Variants in COL22A1 observed in about 807,000 individuals in gnomAD.
The protein encoded by COL22A1 is collagen type XXII alpha 1 chain.
A neutral mutation model predicts 248.9 loss-of-function variants in COL22A1; 221 were observed. The ratio of observed to expected loss-of-function variants is 0.89; its 90% CI spans 0.80 to 0.99. COL22A1 has a LOEUF of 0.99. Among genes scored for constraint, COL22A1 ranks in the 50% least tolerant of loss-of-function variants. The pLI is 0.00. For synonymous variants in COL22A1, 891 were observed against 793.4 expected, an observed-to-expected ratio of 1.12 and a Z score of -2.07; for missense variants, 2,240 against 2,179.0, an observed-to-expected ratio of 1.03 and a Z score of -0.56.
chr8:138,590,933 C>T (rs1035831952), intron 64 of COL22A1, among the ~76,000 whole-genome samples: 2 of 152,104 alleles, frequency 1.3e-5, no homozygotes, highest in Non-Finnish European at 2.9e-5. Flanking sequence ...GTGAGCATTC[C>T]CCAAAACATA....
chr8:138,878,995 G>A (rs547103460), intron 2 of COL22A1, among the ~76,000 whole-genome samples: 103 of 126,624 alleles, frequency 8.1e-4, no homozygotes, highest in Non-Finnish European at 3.1e-4. Context: ...GCGACAGAGC[G>A]AGACTCTGTC....
rs1563781155 is a variant in COL22A1, at chr8:138,802,854, G to T, written c.1557+18C>A. 6.2e-7 allele frequency: 1 copy of T among 1,608,044 alleles called. No homozygotes were observed. Among genetic ancestry groups the T allele is most frequent in the East Asian group, 2.2e-5 (1 of 44,810 alleles). On this transcript the variant is annotated intron_variant, in intron 11 of 64. Transcript: ENST00000303045. ...CGCCCTGAGGTTCAGCCATGTAGAG[G>T]AGCAGCCATCTACTCACCACATCAC...
Position 138,793,737 on chromosome 8 carries a change from C to A in COL22A1, c.1596+3082G>T, listed in dbSNP as rs189631574. Among the ~76,000 whole-genome samples the A allele has an allele frequency of 2.5e-3, 387 of 152,278 alleles. 2 individuals are homozygous for A. Among genetic ancestry groups the A allele is most frequent in the African/African-American group, 9.0e-3 (375 of 41,560 alleles). ...GTAGGACTCCTGGCACCAGAAGGTG[C>A]CTTCAGGTGTGAGGAGAACAGGCAT... On this transcript the variant is annotated intron_variant, in intron 12 of 64. Coordinates refer to ENST00000303045, the MANE Select transcript of COL22A1 (RefSeq NM_152888.3).
At chr8:138,673,454 C>G (rs967974894) in intron 41 of COL22A1, among the ~76,000 whole-genome samples, 5 of 152,172 alleles carry the variant, frequency 3.3e-5, no homozygotes, top group African/African-American at 1.2e-4. Flanking sequence ...GGTGACCCAC[C>G]TGCCGCAGCC....
intron 12 of COL22A1, among the ~76,000 whole-genome samples, chr8:138,794,602 T>C (rs1425634257): frequency 1.3e-5 from 2 of 152,180 alleles, no homozygotes; most frequent in African/African-American, 2.4e-5. Context: ...TAATTCATGA[T>C]AGCCACGATA....
chr8:138,801,405 C>G (rs1471294475), intron 11 of COL22A1, among the ~76,000 whole-genome samples: 1 of 152,096 alleles, frequency 6.6e-6, no homozygotes, highest in African/African-American at 2.4e-5. Flanking sequence ...GAGGGGGCAA[C>G]AATGTGGGGT....
At chr8:138,637,170 G>A (rs1247305436) in intron 47 of COL22A1, among the ~76,000 whole-genome samples, 1 of 152,246 alleles carries the variant, frequency 6.6e-6, no homozygotes, top group Middle Eastern at 3.4e-3. Context: ...GGTATAGTGT[G>A]GGATAGGCTA....
intron 42 of COL22A1, among the ~76,000 whole-genome samples, 153 bp downstream of exon 42, chr8:138,663,552 C>T (rs1449898579): frequency 6.6e-6 from 1 of 152,186 alleles, no homozygotes; most frequent in Non-Finnish European, 1.5e-5. Context: ...TTCCACAGGT[C>T]AGAGTTCATA....
intron 1 of COL22A1, among the ~76,000 whole-genome samples, chr8:138,910,863 G>T (rs1815401618): frequency 6.6e-6 from 1 of 152,158 alleles, no homozygotes. Context: ...TTCTAAAACT[G>T]AGATATGAAT....
At chr8:138,764,329 G>A (rs940807577) in intron 16 of COL22A1, among the ~76,000 whole-genome samples, 1 of 152,208 alleles carries the variant, frequency 6.6e-6, no homozygotes, top group South Asian at 2.1e-4. Context: ...CTGGCTACCT[G>A]CGGAGTGGGT....
intron 1 of COL22A1, among the ~76,000 whole-genome samples, chr8:138,907,767 A>T (rs1256606747): frequency 1.3e-5 from 2 of 152,228 alleles, no homozygotes; most frequent in East Asian, 3.9e-4. Context: ...CCACAGCAGA[A>T]GGCAGAAGCA....
chr8:138,888,910 G>A (rs1001342088), intron 1 of COL22A1, among the ~76,000 whole-genome samples: 2 of 152,178 alleles, frequency 1.3e-5, no homozygotes, highest in Non-Finnish European at 2.9e-5. Context: ...ATGAATGAAT[G>A]ATGAACGGCC....
intron 3 of COL22A1, among the ~76,000 whole-genome samples, chr8:138,858,378 T>C (rs1822202775): frequency 6.6e-6 from 1 of 152,192 alleles, no homozygotes; most frequent in Admixed American, 6.5e-5. Context: ...TGTTTTGTTT[T>C]GTTTTGATTT....
At chr8:138,631,356 A>C (rs1370012291) in intron 49 of COL22A1, among the ~76,000 whole-genome samples, 1 of 152,194 alleles carries the variant, frequency 6.6e-6, no homozygotes, top group Admixed American at 6.5e-5. Context: ...TGATGTTCAG[A>C]GAATAGCATC....
Position 138,591,480 on chromosome 8 carries a change from T to C in COL22A1, c.4637A>G (p.Asp1546Gly), listed in dbSNP as rs774552151. 5.1e-6 allele frequency: 8 copies of C among 1,572,254 alleles called. No homozygotes were observed. The highest frequency in any genetic ancestry group is 1.7e-6 in the Non-Finnish European group (2 of 1,158,500). ...GAGGCCAACTCCAGGTGCACCTGGGTCACCTTTGGCTCCTCGCTCACCTGG... is the reference window on the plus strand; with the variant it reads ...GAGGCCAACTCCAGGTGCACCTGGGCCACCTTTGGCTCCTCGCTCACCTGG... ...GPKGERGAKG[D>G]PGAPGVGLRG... The change falls in exon 64 of 65, where the codon GAC becomes GGC. Residue 1546 changes from aspartate (D) to glycine (G), a missense_variant. Transcript: ENST00000303045.
rs542745023 is a variant in COL22A1, at chr8:138,796,718, C to T, written c.1596+101G>A. The T allele has an allele frequency of 5.0e-5, 42 of 845,614 alleles. No homozygotes were observed. The Admixed American group carries it at 5.1e-4, about 10-fold the overall frequency. 52.4% of individuals were successfully genotyped at this position (845,614 alleles called of 1,614,324 possible). A position where few individuals can be genotyped will look rare whatever the true frequency, so the allele number is the denominator to read the frequency against. ...CCCAGGACACCTCTTTTCCCCCACTCGAATTCTTTCCAGGCAACATAACAG... is the reference window on the plus strand; with the variant it reads ...CCCAGGACACCTCTTTTCCCCCACTTGAATTCTTTCCAGGCAACATAACAG... On this transcript the variant is annotated intron_variant, in intron 12 of 64. Coordinates refer to ENST00000303045, the MANE Select transcript of COL22A1 (RefSeq NM_152888.3).
At position 138,760,236 on chromosome 8, in the gene COL22A1, C is replaced by T. The variant is rs775981993; in HGVS notation, c.1902+7G>A. ...ACAGAGCCCTTGACAGCCCCAGGCT[C>T]GCTCACCTTTTCTCCCTGGGGTCCT... On this transcript the variant is annotated splice_region_variant and intron_variant, in intron 18 of 64. Coordinates refer to ENST00000303045, the MANE Select transcript of COL22A1 (RefSeq NM_152888.3). The T allele has an allele frequency of 9.6e-6, 15 of 1,570,230 alleles. No individual in the cohort carries two copies. Among genetic ancestry groups the T allele is most frequent in the Admixed American group, 1.8e-5 (1 of 54,392 alleles).
chr8:138,761,369 C>A (rs748915462), intron 17 of COL22A1, among the ~76,000 whole-genome samples: 1 of 152,040 alleles, frequency 6.6e-6, no homozygotes. Context: ...TTGAGTCAGG[C>A]CTTTGGTGAA....
At chr8:138,840,299 A>G (rs1166513628) in intron 4 of COL22A1, among the ~76,000 whole-genome samples, 1 of 152,114 alleles carries the variant, frequency 6.6e-6, no homozygotes, top group Admixed American at 6.6e-5. Flanking sequence ...TGCATTCAGA[A>G]CTGCACAAAC....
Sources: gnomAD v4.1 joint callset for allele counts (sites outside exome capture counted in the v4.1 genomes callset) on GRCh38, gnomAD v4.1.1 for gene constraint, MANE v1.5 for transcripts, NCBI Gene and HGNC (gene_info 2026-07-23, HGNC 2026-07-21) for gene names.